HECTD4: variants seen among roughly 807,000 people sequenced by gnomAD.
HECTD4 encodes HECT domain E3 ubiquitin protein ligase 4.
A neutral mutation model predicts 471.5 loss-of-function variants in HECTD4; 114 were observed. The ratio of observed to expected loss-of-function variants is 0.24; its 90% CI spans 0.21 to 0.28. HECTD4 has a LOEUF of 0.28. Among genes scored for constraint, HECTD4 ranks in the 10% least tolerant of loss-of-function variants. The pLI, the probability that HECTD4 is intolerant of heterozygous loss-of-function variation, is 1.00. For missense variants in HECTD4, 3,866 were observed against 5,651.5 expected, an observed-to-expected ratio of 0.68 and a Z score of 10.13; for synonymous variants, 2,012 against 2,256.0, an observed-to-expected ratio of 0.89 and a Z score of 3.07.
intron 4 of HECTD4, 36 bp from the exon 5 acceptor site, chr12:112,309,705 G>GT (rs2135686512): frequency 1.7e-5 from 17 of 972,922 alleles, no homozygotes; most frequent in Non-Finnish European, 2.6e-5. Context: ...TTATATATAT[G>GT]TTTTTTCTAT....
chr12:112,219,169 C>T (rs185538910), intron 45 of HECTD4, among the ~76,000 whole-genome samples: 1 of 152,300 alleles, frequency 6.6e-6, no homozygotes, highest in African/African-American at 2.4e-5. Flanking sequence ...GTTTCGCTCC[C>T]CTGCTATAAT....
At chr12:112,323,658 G>A (rs1028630823) in intron 1 of HECTD4, among the ~76,000 whole-genome samples, 1 of 151,976 alleles carries the variant, frequency 6.6e-6, no homozygotes, top group African/African-American at 2.4e-5. Context: ...AGGGGTAAGG[G>A]GAGGTAGGGT....
At chr12:112,169,872 C>T in intron 69 of HECTD4, 1 of 620,704 alleles carries the variant, frequency 1.6e-6, no homozygotes, top group South Asian at 1.9e-5. Flanking sequence ...CCTCCTGGGC[C>T]CCCAGTGCTT....
rs910004813 is a variant in HECTD4 at position 112,374,979 on chromosome 12, C to T, written c.177+6973G>A. Among the ~76,000 whole-genome samples the T allele has an allele frequency of 3.9e-5, 6 of 152,190 alleles. No individual in the cohort carries two copies. The South Asian group carries it at 1.2e-3, about 32-fold the overall frequency. Reference sequence around the variant, plus strand: ...GTGTGATTTAATGAGTTTTGACATACATATACAAATGTGAAACCATCACCA... The same window carrying T: ...GTGTGATTTAATGAGTTTTGACATATATATACAAATGTGAAACCATCACCA... On this transcript the variant is annotated intron_variant, in intron 1 of 75. Transcript: ENST00000682272.
chr12:112,193,546 C>G lies in HECTD4; in HGVS notation c.8878G>C (p.Val2960Leu). 6.2e-7 allele frequency: 1 copy of G among 1,612,806 alleles called. No homozygotes were observed. The highest frequency in any genetic ancestry group is 8.5e-7 in the Non-Finnish European group (1 of 1,179,426). ...TGGTGCAGGGTCCGGGTGATGGCCA[C>G]GTTGAGCCACTCTCTCACTGTCTGG... is the stretch of plus-strand genomic sequence containing the variant. ...NSQTVREWLN[V>L]AITRTLHQGE... The change falls in exon 57 of 76, where the codon GTG (valine) becomes CTG (leucine). Residue 2960 changes from valine (V) to leucine (L), a missense_variant. Coordinates refer to ENST00000682272, the MANE Select transcript of HECTD4 (RefSeq NM_001388303.1). This position sits in a 1 kb window ranked among gnomAD's most constrained non-coding sequence, Gnocchi z 5.2.
chr12:112,233,411 T>G (rs548186647), intron 37 of HECTD4, among the ~76,000 whole-genome samples: 1 of 151,466 alleles, frequency 6.6e-6, no homozygotes, highest in Non-Finnish European at 1.5e-5. Context: ...TTTGAAGAGA[T>G]GGGATCTCAC....
intron 8 of HECTD4, among the ~76,000 whole-genome samples, chr12:112,280,115 AT>A (rs1375657676): frequency 1.3e-5 from 2 of 152,210 alleles, no homozygotes; most frequent in African/African-American, 4.8e-5. Context: ...TAAACTCATA[AT>A]AAACAGCTTT....
At chr12:112,293,364 CAAAAAA>C (rs754332904) in intron 7 of HECTD4, among the ~76,000 whole-genome samples, 1 of 69,902 alleles carries the variant, frequency 1.4e-5, no homozygotes, top group Non-Finnish European at 3.0e-5. Context: ...GACTCTGTCT[CAAAAAA>C]AAAAAAAAAA....
rs765161662 is a variant in HECTD4 at position 112,162,437 on chromosome 12, C to T, written c.13207G>A (p.Glu4403Lys). 4 of 1,614,048 alleles carry T rather than the reference C, an allele frequency of 2.5e-6. No homozygotes were observed. The highest frequency in any genetic ancestry group is 8.5e-7 in the Non-Finnish European group (1 of 1,179,900). ...TAGTGAATGGCACAACGAAGTTTCT[C>T]CAGCATGATTTCCAGAGAGGAGTAC... ...PQYSSLEIML[E>K]KLRCAIHYRE... The change falls in exon 76 of 76, where the codon GAG (glutamate) becomes AAG (lysine). Residue 4403 changes from glutamate to lysine, a missense_variant. Coordinates refer to ENST00000682272, the MANE Select transcript of HECTD4 (RefSeq NM_001388303.1). This position sits in a 1 kb window ranked among gnomAD's most constrained non-coding sequence, Gnocchi z 5.2.
At chr12:112,352,696 TC>T (rs1204898934) in intron 1 of HECTD4, among the ~76,000 whole-genome samples, 2 of 152,038 alleles carry the variant, frequency 1.3e-5, no homozygotes, top group Non-Finnish European at 2.9e-5. Context: ...AGCCTCAACC[TC>T]CTGGGCTCAA....
At chr12:112,261,218 C>T in intron 18 of HECTD4, 87 bp downstream of exon 18, 1 of 1,349,362 alleles carries the variant, frequency 7.4e-7, no homozygotes, top group Non-Finnish European at 9.8e-7. Flanking sequence ...AAAATTGATC[C>T]TTCTATATTC....
rs1183137125 is a variant in HECTD4 at position 112,230,748 on chromosome 12, T to C, written c.6275A>G (p.His2092Arg). Residue 2092 changes from histidine (H) to arginine (R), a missense_variant, in exon 40 of 76, where the codon CAT (histidine) becomes CGT (arginine). Physicochemically the swap from His to Arg is conservative, Grantham distance 29 (BLOSUM62 0). Transcript: ENST00000682272. ...SMAAEVIALL[H>R]SLLMAPESNA... is the part of the protein sequence containing the mutation. ...TGATTCAGGTGCCATGAGCAAGCTA[T>C]GTAGCAAGGCGATCACTTCTGCAGC... is the stretch of plus-strand genomic sequence containing the variant. 1.2e-6 allele frequency: 2 copies of C among 1,611,160 alleles called. No homozygotes were observed. The highest frequency in any genetic ancestry group is 1.7e-6 in the Non-Finnish European group (2 of 1,178,756).
chr12:112,164,623 C>T (rs1389516080), intron 72 of HECTD4, among the ~76,000 whole-genome samples: 4 of 143,566 alleles, frequency 2.8e-5, no homozygotes, highest in Non-Finnish European at 4.6e-5. Flanking sequence ...ATTATGCTTG[C>T]TTTTTTTTTT....
intron 20 of HECTD4, among the ~76,000 whole-genome samples, chr12:112,258,078 A>C (rs1276036762): frequency 6.6e-6 from 1 of 151,972 alleles, no homozygotes; most frequent in Non-Finnish European, 1.5e-5. Context: ...AATCCTAGCT[A>C]CTCATGAGGC....
intron 69 of HECTD4, 95 bp from the exon 70 acceptor site, chr12:112,169,753 G>C (rs754000139): frequency 6.9e-7 from 1 of 1,439,946 alleles, no homozygotes; most frequent in South Asian, 1.2e-5. Context: ...GCCTGTGCCT[G>C]TCCCTGGACC....
At chr12:112,234,909 G>A (rs546224600) in intron 37 of HECTD4, among the ~76,000 whole-genome samples, 168 bp downstream of exon 37, 1 of 152,328 alleles carries the variant, frequency 6.6e-6, no homozygotes, top group African/African-American at 2.4e-5. Flanking sequence ...TTTCAGCTCT[G>A]CCTCAGTTTC....
chr12:112,229,550 G>A lies in HECTD4; in HGVS notation c.6519+148C>T, dbSNP rs2033322617. 11 of 766,200 alleles carry A rather than the reference G, an allele frequency of 1.4e-5. 1 individual carries two copies. In the South Asian group the frequency reaches 1.7e-4, roughly 12 times the overall value. 47.5% of individuals were successfully genotyped at this position (766,200 alleles called of 1,614,324 possible). A position where few individuals can be genotyped will look rare whatever the true frequency, so the allele number is the denominator to read the frequency against. Reference sequence around the variant, plus strand: ...TGGCACAGTGTGGATTTGAATTCAAGAATTTCTCAGATTCCTTATTTAGCT... The same window carrying A: ...TGGCACAGTGTGGATTTGAATTCAAAAATTTCTCAGATTCCTTATTTAGCT... On this transcript the variant is annotated intron_variant, in intron 41 of 75. Transcript: ENST00000682272.
At chr12:112,165,845 G>A (rs756144543) in intron 72 of HECTD4, among the ~76,000 whole-genome samples, 3 of 152,176 alleles carry the variant, frequency 2.0e-5, no homozygotes, top group African/African-American at 7.2e-5. Context: ...CCAGGGAGAC[G>A]ACAGGGTCGG....
chr12:112,328,285 T>C (rs1234464116), intron 1 of HECTD4, among the ~76,000 whole-genome samples: 1 of 152,058 alleles, frequency 6.6e-6, no homozygotes, highest in Non-Finnish European at 1.5e-5. Flanking sequence ...ACTACAGGCA[T>C]TCACCACTAT....
Sources: gnomAD v4.1 joint callset for allele counts (sites outside exome capture counted in the v4.1 genomes callset) on GRCh38, gnomAD v4.1.1 for gene constraint, Gnocchi (gnomAD v3.1) non-coding constraint, MANE v1.5 for transcripts, NCBI Gene and HGNC (gene_info 2026-07-23, HGNC 2026-07-21) for gene names.